ETNK1: variants seen among roughly 807,000 people sequenced by gnomAD.
ETNK1 encodes ethanolamine kinase 1.
ETNK1 carries 8 observed loss-of-function variants against 45.1 expected under a neutral mutation model. That is an observed-to-expected ratio of 0.18 (90% CI 0.10 to 0.32). The LOEUF (loss-of-function observed/expected upper bound fraction) is 0.32, where lower values mean the gene tolerates loss of function less well. Among genes scored for constraint, ETNK1 ranks in the 10% least tolerant of loss-of-function variants. The probability of loss-of-function intolerance (pLI) is 1.00; values close to 1 mark genes in which losing one functional copy is unlikely to be tolerated. For missense variants in ETNK1, 302 were observed against 430.6 expected (o/e 0.70, Z 2.64); for synonymous variants, 152 against 151.9 (o/e 1.00, Z -0.01).
rs1565448534 is a variant in ETNK1 at position 22,676,855 on chromosome 12, G to GT, written c.945+3195_945+3196insT. On this transcript the variant is annotated intron_variant, in intron 6 of 7. Coordinates refer to ENST00000266517, the MANE Select transcript of ETNK1 (RefSeq NM_018638.5). ...CATATCCTTTGCCTACGTTTTGATG[G>GT]GTTTTTTTTTTCTTGTAAATTTGTT... Among the ~76,000 whole-genome samples, 6 of 133,860 alleles carry GT rather than the reference G, an allele frequency of 4.5e-5. No homozygotes were observed. The East Asian group carries it at 8.1e-4, about 18-fold the overall frequency. 87.8% of individuals were successfully genotyped at this position (133,860 alleles called of 152,430 possible). A position where few individuals can be genotyped will look rare whatever the true frequency, so the allele number is the denominator to read the frequency against.
intron 5 of ETNK1, among the ~76,000 whole-genome samples, chr12:22,672,064 T>C (rs1282587812): frequency 1.3e-5 from 2 of 152,026 alleles, no homozygotes; most frequent in African/African-American, 4.8e-5. Flanking sequence ...TTTAAGCATT[T>C]AAAAAGCCTT....
At chr12:22,638,862 A>G (rs185639527) in intron 1 of ETNK1, 172 of 152,282 alleles carry the variant, frequency 1.1e-3, no homozygotes, top group African/African-American at 4.0e-3. Flanking sequence ...AGCAAATCTC[A>G]GTCAGACCTT....
chr12:22,636,639 C>G (rs1319414351), intron 1 of ETNK1, among the ~76,000 whole-genome samples: 2 of 151,916 alleles, frequency 1.3e-5, no homozygotes, highest in East Asian at 3.9e-4. Flanking sequence ...ACTTCTGCAT[C>G]CATGGATTCA....
Position 22,684,489 on chromosome 12 carries a change from CA to C in ETNK1, c.953del (p.His318LeufsTer9). Reference sequence around the variant, plus strand: ...TTTCTTTCCTTCTTTTAAGGCTTCTCATTTCTTTTGGGGATTGTGGGCTTTG... The same window carrying C: ...TTTCTTTCCTTCTTTTAAGGCTTCTCTTTCTTTTGGGGATTGTGGGCTTTG... ...IQVNQFALAS[H>X]FFWGLWALIQ... On this transcript the variant is annotated frameshift_variant, in exon 7 of 8. Transcript: ENST00000266517. LOFTEE classifies it high-confidence loss of function. 1 of 1,607,472 alleles carries C rather than the reference CA, an allele frequency of 6.2e-7. No homozygotes were observed. Among genetic ancestry groups the C allele is most frequent in the Non-Finnish European group, 8.5e-7 (1 of 1,176,816 alleles).
intron 2 of ETNK1, among the ~76,000 whole-genome samples, chr12:22,648,671 C>T (rs1953837297): frequency 6.6e-6 from 1 of 152,074 alleles, no homozygotes; most frequent in African/African-American, 2.4e-5. Context: ...AATTAAGCTG[C>T]TATAAGAATC....
chr12:22,649,594 CA>C (rs963046839), intron 2 of ETNK1, among the ~76,000 whole-genome samples: 93 of 152,174 alleles, frequency 6.1e-4, no homozygotes, highest in African/African-American at 2.0e-3. Flanking sequence ...TTGCAGATAT[CA>C]CACTACCTTA....
At chr12:22,672,839 T>C (rs1954122418) in intron 5 of ETNK1, among the ~76,000 whole-genome samples, 1 of 152,224 alleles carries the variant, frequency 6.6e-6, no homozygotes, top group Non-Finnish European at 1.5e-5. Flanking sequence ...ATGAACTTTG[T>C]CTTCTAGGTT....
At chr12:22,656,339 C>T (rs2137551159) in intron 2 of ETNK1, 1 of 888,444 alleles carries the variant, frequency 1.1e-6, no homozygotes, top group Non-Finnish European at 1.3e-6. Context: ...CAACTTGAGG[C>T]AGCAAAAGTA....
At chr12:22,676,563 G>A (rs1386539277) in intron 6 of ETNK1, among the ~76,000 whole-genome samples, 1 of 151,862 alleles carries the variant, frequency 6.6e-6, no homozygotes, top group Non-Finnish European at 1.5e-5. Flanking sequence ...TTCTGGTTGT[G>A]GATTCTTGAG....
chr12:22,644,539 T>G (rs991009717), intron 2 of ETNK1: 22 of 334,374 alleles, frequency 6.6e-5, no homozygotes, highest in African/African-American at 4.7e-4. Flanking sequence ...TTTCTGCTCT[T>G]GAAAACTCTA....
At chr12:22,660,044 A>C (rs1014444930) in intron 3 of ETNK1, among the ~76,000 whole-genome samples, 5 of 151,762 alleles carry the variant, frequency 3.3e-5, no homozygotes, top group African/African-American at 9.7e-5. Context: ...TAAAAAAAAA[A>C]AAAAAAAAAA....
At chr12:22,643,676 A>G in intron 1 of ETNK1, 87 bp from the exon 2 acceptor site, 3 of 1,117,174 alleles carry the variant, frequency 2.7e-6, no homozygotes, top group Non-Finnish European at 3.8e-6. Context: ...TTTAATTAGT[A>G]TTTAACTCAT....
chr12:22,680,090 T>C (rs1486317432), intron 6 of ETNK1, among the ~76,000 whole-genome samples: 2 of 152,174 alleles, frequency 1.3e-5, no homozygotes, highest in African/African-American at 4.8e-5. Context: ...CTGGCTCCTC[T>C]TTCCTCCTCT....
At chr12:22,644,124 T>C in intron 2 of ETNK1, 102 bp downstream of exon 2, 2 of 1,486,670 alleles carry the variant, frequency 1.3e-6, no homozygotes, top group Middle Eastern at 1.9e-4. Context: ...ACTATTTGGT[T>C]AACTTAGAAA....
intron 6 of ETNK1, among the ~76,000 whole-genome samples, chr12:22,675,013 T>C (rs972352671): frequency 6.6e-6 from 1 of 152,230 alleles, no homozygotes; most frequent in African/African-American, 2.4e-5. Context: ...AGAATAACTC[T>C]TTTGGTGGTA....
chr12:22,649,222 A>C (rs1486028691), intron 2 of ETNK1, among the ~76,000 whole-genome samples: 1 of 152,056 alleles, frequency 6.6e-6, no homozygotes, highest in Non-Finnish European at 1.5e-5. Context: ...AATTTTAATG[A>C]AGTCCAGCTT....
chr12:22,627,593 T>C (rs1303904858), intron 1 of ETNK1, among the ~76,000 whole-genome samples: 2 of 152,130 alleles, frequency 1.3e-5, no homozygotes, highest in Non-Finnish European at 2.9e-5. Context: ...AGAATTTCTT[T>C]AGTAAATCTC....
At chr12:22,666,234 A>C (rs1954052883) in intron 4 of ETNK1, among the ~76,000 whole-genome samples, 1 of 152,164 alleles carries the variant, frequency 6.6e-6, no homozygotes, top group Admixed American at 6.5e-5. Flanking sequence ...GCAGCGGCCC[A>C]TTCCTTGCCT....
intron 1 of ETNK1, among the ~76,000 whole-genome samples, chr12:22,643,533 G>T (rs774315669): frequency 2.6e-5 from 4 of 151,968 alleles, no homozygotes; most frequent in Non-Finnish European, 5.9e-5. Flanking sequence ...ATCAAGGAAG[G>T]CATGTTATAT....
Sources: gnomAD v4.1 joint callset for allele counts (sites outside exome capture counted in the v4.1 genomes callset) on GRCh38, gnomAD v4.1.1 for gene constraint, MANE v1.5 for transcripts, NCBI Gene and HGNC (gene_info 2026-07-23, HGNC 2026-07-21) for gene names.